The following MAP3K9 variants were observed in gnomAD, a reference collection of about 807,000 sequenced individuals.
MAP3K9 encodes mixed lineage kinase 1 (tyr and ser/thr specificity).
A neutral mutation model predicts 95.8 loss-of-function variants in MAP3K9; 46 were observed. The ratio of observed to expected loss-of-function variants is 0.48; its 90% CI spans 0.38 to 0.61. The LOEUF is 0.61. MAP3K9 is among the 20% of genes least tolerant of loss of function. The pLI is 0.00. For missense variants in MAP3K9, 1,296 were observed against 1,474.3 expected (o/e 0.88, Z 1.98); for synonymous variants, 533 against 593.8 (o/e 0.90, Z 1.49).
chr14:70,803,337 TAAAAAAAA>T (rs10583563), intron 1 of MAP3K9, among the ~76,000 whole-genome samples: 9 of 75,200 alleles, frequency 1.2e-4, no homozygotes, highest in Non-Finnish European at 1.7e-4. Context: ...ATTCAGATCT[TAAAAAAAA>T]AAAAAAAAAA....
intron 5 of MAP3K9, among the ~76,000 whole-genome samples, chr14:70,747,009 G>A (rs184565519): frequency 6.6e-6 from 1 of 152,334 alleles, no homozygotes. Context: ...GGACCCTAAA[G>A]AGTCATTGTA....
rs1433943083 is a variant in MAP3K9 at position 70,724,991 on chromosome 14, G to C, written c.*5389C>G. 1 of 152,270 alleles carries C rather than the reference G, an allele frequency of 6.6e-6. No individual in the cohort carries two copies. The highest frequency in any genetic ancestry group is 1.5e-5 in the Non-Finnish European group (1 of 68,084). 9.4% of individuals were successfully genotyped at this position (152,270 alleles called of 1,614,324 possible). A position where few individuals can be genotyped will look rare whatever the true frequency, so the allele number is the denominator to read the frequency against. On this transcript the variant is annotated 3_prime_UTR_variant, in exon 12 of 12. Coordinates refer to ENST00000554752, the MANE Select transcript of MAP3K9 (RefSeq NM_001284230.2). ...TCAGCCTAGTAAAACTAGGTGATGA[G>C]TGCTTTCAAAGAGGGCAGGTCAGAC...
At chr14:70,766,471 C>A (rs2054457481) in intron 2 of MAP3K9, among the ~76,000 whole-genome samples, 1 of 152,160 alleles carries the variant, frequency 6.6e-6, no homozygotes, top group Admixed American at 6.5e-5. Flanking sequence ...GCCTGGCAGT[C>A]CCTGACACAC....
At chr14:70,799,002 GA>G (rs1423563540) in intron 2 of MAP3K9, among the ~76,000 whole-genome samples, 1 of 152,144 alleles carries the variant, frequency 6.6e-6, no homozygotes, top group Non-Finnish European at 1.5e-5. Flanking sequence ...AACACAGGTA[GA>G]AAAGATAAAT....
At chr14:70,777,688 A>G (rs1234082995) in intron 2 of MAP3K9, among the ~76,000 whole-genome samples, 1 of 152,188 alleles carries the variant, frequency 6.6e-6, no homozygotes, top group Non-Finnish European at 1.5e-5. Context: ...TCAACTCTTA[A>G]GACACTAGAT....
intron 10 of MAP3K9, 137 bp from the exon 11 acceptor site, chr14:70,733,479 G>A: frequency 1.6e-6 from 1 of 606,226 alleles, no homozygotes; most frequent in South Asian, 2.1e-5. Context: ...GTGATGAGCA[G>A]GACATGGAAT....
At chr14:70,783,200 A>G (rs2139830079) in intron 2 of MAP3K9, 1 of 908,892 alleles carries the variant, frequency 1.1e-6, no homozygotes, top group South Asian at 5.0e-5. Flanking sequence ...ACTAGAGTCA[A>G]GCATATAAAG....
At chr14:70,776,671 A>T (rs1362074183) in intron 2 of MAP3K9, among the ~76,000 whole-genome samples, 1 of 152,148 alleles carries the variant, frequency 6.6e-6, no homozygotes, top group African/African-American at 2.4e-5. Context: ...ATTTGGCGCT[A>T]GCAGTAGCAG....
intron 2 of MAP3K9, among the ~76,000 whole-genome samples, chr14:70,769,168 T>C (rs2054497620): frequency 6.6e-6 from 1 of 152,174 alleles, no homozygotes. Flanking sequence ...ACCATGTTTG[T>C]GCCTGTGAAC....
At chr14:70,747,014 A>G (rs2054156784) in intron 5 of MAP3K9, among the ~76,000 whole-genome samples, 2 of 152,246 alleles carry the variant, frequency 1.3e-5, no homozygotes, top group African/African-American at 4.8e-5. Flanking sequence ...CTAAAGAGTC[A>G]TTGTAAGCTC....
intron 11 of MAP3K9, 73 bp from the exon 12 acceptor site, chr14:70,730,937 C>T (rs750582924): frequency 1.7e-5 from 25 of 1,431,124 alleles, no homozygotes; most frequent in South Asian, 1.2e-4. Context: ...GCTACTCCCC[C>T]CCAACACCAC....
At chr14:70,806,478 C>T (rs1323062962) in intron 1 of MAP3K9, among the ~76,000 whole-genome samples, 5 of 152,184 alleles carry the variant, frequency 3.3e-5, no homozygotes. Context: ...AATAAAAGAA[C>T]GTGTCAGGTC....
chr14:70,745,622 C>T (rs1208946246), intron 5 of MAP3K9, among the ~76,000 whole-genome samples: 1 of 152,018 alleles, frequency 6.6e-6, no homozygotes, highest in Non-Finnish European at 1.5e-5. Flanking sequence ...CCTGTAATCC[C>T]AGCTACTTGG....
At chr14:70,732,112 A>G (rs954533988) in intron 11 of MAP3K9, among the ~76,000 whole-genome samples, 1 of 152,186 alleles carries the variant, frequency 6.6e-6, no homozygotes, top group Non-Finnish European at 1.5e-5. Context: ...ATGAGAGGCA[A>G]AATCCCAGCT....
rs1236615958 is a variant in MAP3K9, at chr14:70,733,288, G to T, written c.2081C>A (p.Pro694His). The T allele has an allele frequency of 6.2e-7, 1 of 1,605,514 alleles. No homozygotes were observed. The highest frequency in any genetic ancestry group is 1.3e-5 in the African/African-American group (1 of 74,732). Residue 694 changes from proline to histidine, a missense_variant, in exon 11 of 12, where the codon CCC becomes CAC. By Grantham distance (77) the Pro-to-His change is moderately conservative. Around this residue, in one of 5 missense-constraint regions of MAP3K9, gnomAD observed 377 missense variants for 417.1 expected, o/e 0.90. Coordinates refer to ENST00000554752, the MANE Select transcript of MAP3K9 (RefSeq NM_001284230.2). ...TGGGATACAGAGGTAGGACTGGCTGGGTGAATGCTGTAGGCGACTCTCTCC... is the reference window on the plus strand; with the variant it reads ...TGGGATACAGAGGTAGGACTGGCTGTGTGAATGCTGTAGGCGACTCTCTCC... ...GSGESRLQHS[P>H]SQSYLCIPFP...
At chr14:70,752,096 T>A (rs538790070) in intron 3 of MAP3K9, among the ~76,000 whole-genome samples, 14 of 152,312 alleles carry the variant, frequency 9.2e-5, no homozygotes, top group African/African-American at 3.1e-4. Context: ...TCTTTATGCA[T>A]CTTGCCAGGA....
In MAP3K9 at chr14:70,728,184, C is replaced by T. The variant is rs570978398; in HGVS notation, c.*2196G>A. ...TTGCCCAGGCTGGAGTGCAATGGCG[C>T]AATCTTGGCTCACTGCAACCTCCGC... On this transcript the variant is annotated 3_prime_UTR_variant, in exon 12 of 12. Coordinates refer to ENST00000554752, the MANE Select transcript of MAP3K9 (RefSeq NM_001284230.2). 1 of 130,842 alleles carries T rather than the reference C, an allele frequency of 7.6e-6. No homozygotes were observed. Among genetic ancestry groups the T allele is most frequent in the African/African-American group, 2.8e-5 (1 of 35,282 alleles). 8.1% of individuals were successfully genotyped at this position (130,842 alleles called of 1,614,324 possible).
rs1187071884 is a variant in MAP3K9, at chr14:70,730,830, T to C, written c.2865A>G (p.Pro955=). 2.5e-6 allele frequency: 4 copies of C among 1,610,164 alleles called. No homozygotes were observed. Among genetic ancestry groups the C allele is most frequent in the Admixed American group, 1.7e-5 (1 of 59,896 alleles). The part of the protein sequence containing the change: ...MLKTPSPSRD[P]GEFPRLPDPN... ...GGTCAGGGAGACGGGGGAATTCACC[T>C]GGGTCTCGGCTGGGACTGGGGGTTT... Residue 955 remains proline (P), a synonymous_variant, in exon 12 of 12, where the codon CCA becomes CCG. Transcript: ENST00000554752.
chr14:70,740,639 G>T (rs1415885811), intron 6 of MAP3K9, among the ~76,000 whole-genome samples: 1 of 152,194 alleles, frequency 6.6e-6, no homozygotes, highest in African/African-American at 2.4e-5. Context: ...TGGGAACCTA[G>T]GGCAGTGAGG....
Sources: gnomAD v4.1 joint callset for allele counts (sites outside exome capture counted in the v4.1 genomes callset) on GRCh38, gnomAD v4.1.1 for gene constraint, gnomAD v4.1.1 regional missense constraint, MANE v1.5 for transcripts, NCBI Gene and HGNC (gene_info 2026-07-23, HGNC 2026-07-21) for gene names.